AKAP13: variants seen among roughly 807,000 people sequenced by gnomAD.
AKAP13 encodes the protein A-kinase anchor protein 13.
Under a neutral mutation model 264.5 loss-of-function variants are expected in AKAP13, and 80 were observed. That is an observed-to-expected ratio of 0.30 (90% confidence interval 0.25 to 0.36). The LOEUF is 0.36. Ranked by LOEUF, AKAP13 falls within the 10% of genes least tolerant of loss-of-function variation. AKAP13 has a pLI of 1.00. For missense variants in AKAP13, 3,712 were observed against 3,435.2 expected, an observed-to-expected ratio of 1.08 and a Z score of -2.01; for synonymous variants, 1,380 against 1,250.2, an observed-to-expected ratio of 1.10 and a Z score of -2.19.
At chr15:85,740,483 A>G (rs2088871191) in intron 34 of AKAP13, 3 of 554,708 alleles carry the variant, frequency 5.4e-6, no homozygotes, top group South Asian at 2.5e-5. Context: ...TGCCGTAGGC[A>G]TGGCTTGATA....
chr15:85,700,741 C>A (rs2085864039), intron 17 of AKAP13, among the ~76,000 whole-genome samples: 1 of 152,144 alleles, frequency 6.6e-6, no homozygotes, highest in Non-Finnish European at 1.5e-5. Flanking sequence ...CTTTAGCTAT[C>A]AGCCTACCTA....
chr15:85,413,373 T>G (rs2072076873), intron 1 of AKAP13, among the ~76,000 whole-genome samples: 1 of 152,234 alleles, frequency 6.6e-6, no homozygotes, highest in Non-Finnish European at 1.5e-5. Context: ...GAGAGATTTT[T>G]CAGGATGGCT....
At chr15:85,704,780 T>C (rs1223191593) in intron 17 of AKAP13, among the ~76,000 whole-genome samples, 4 of 152,216 alleles carry the variant, frequency 2.6e-5, no homozygotes, top group Non-Finnish European at 5.9e-5. Flanking sequence ...AGCTTAAAAA[T>C]GTATTAGATT....
At position 85,579,613 on chromosome 15, in the gene AKAP13, A is replaced by G. The variant is rs1477814044; in HGVS notation, c.1545A>G (p.Thr515=). 1.9e-6 allele frequency: 3 copies of G among 1,614,148 alleles called. No homozygotes were observed. The highest frequency in any genetic ancestry group is 2.7e-5 in the African/African-American group (2 of 74,958). ...KERFENSNIG[T]AGASDVHVTS... is the part of the protein sequence containing the mutation. ...GATTTGAGAACTCTAATATTGGCAC[A>G]GCTGGAGCCTCTGACGTGCACGTCA... The change falls in exon 7 of 37, where the codon ACA becomes ACG. Residue 515 remains threonine (T), a synonymous_variant. Coordinates refer to ENST00000394518, the MANE Select transcript of AKAP13 (RefSeq NM_007200.5).
At chr15:85,431,632 T>G (rs547313120) in intron 1 of AKAP13, among the ~76,000 whole-genome samples, 2 of 152,322 alleles carry the variant, frequency 1.3e-5, no homozygotes, top group African/African-American at 4.8e-5. Flanking sequence ...TGCCCCTTAG[T>G]GTTTAGCTGA....
chr15:85,596,512 A>C (rs570301397), intron 8 of AKAP13, among the ~76,000 whole-genome samples: 24 of 151,998 alleles, frequency 1.6e-4, no homozygotes, highest in South Asian at 6.2e-4. Flanking sequence ...GAGCCTGGGG[A>C]GGTGGAGGCT....
At chr15:85,742,220 TCA>T (rs560511287) in intron 35 of AKAP13, among the ~76,000 whole-genome samples, 28 of 152,326 alleles carry the variant, frequency 1.8e-4, no homozygotes, top group African/African-American at 6.3e-4. Context: ...TAGAGGAGTC[TCA>T]GTGTGTCTGA....
intron 1 of AKAP13, among the ~76,000 whole-genome samples, chr15:85,438,065 A>G (rs1198664189): frequency 6.9e-6 from 1 of 145,258 alleles, no homozygotes; most frequent in Non-Finnish European, 1.5e-5. Context: ...TATCTAGAAA[A>G]CCCCATTGTC....
At chr15:85,500,072 CT>C (rs1419419348) in intron 2 of AKAP13, among the ~76,000 whole-genome samples, 1 of 152,112 alleles carries the variant, frequency 6.6e-6, no homozygotes, top group Non-Finnish European at 1.5e-5. Context: ...TGAGAGTTTT[CT>C]TTTTGGTTAG....
At chr15:85,467,620 CT>C (rs2074794869) in intron 1 of AKAP13, among the ~76,000 whole-genome samples, 1 of 152,142 alleles carries the variant, frequency 6.6e-6, no homozygotes, top group South Asian at 2.1e-4. Flanking sequence ...TGGCCACTCC[CT>C]TGTGTCTTCC....
At position 85,481,708 on chromosome 15, in the gene AKAP13, A is replaced by G. The variant is rs184755142; in HGVS notation, c.-11-4002A>G. On this transcript the variant is annotated intron_variant, in intron 1 of 36. Coordinates refer to ENST00000394518, the MANE Select transcript of AKAP13 (RefSeq NM_007200.5). ...GAACATACTTAAAACCACATCATTT[A>G]AGACTTTGAATTTTGACATTTCCTC... Among the ~76,000 whole-genome samples the G allele has an allele frequency of 1.7e-4, 26 of 152,332 alleles. 1 individual carries two copies. In the East Asian group the frequency reaches 4.8e-3, roughly 28 times the overall value.
rs542100814 is a variant in AKAP13, at chr15:85,643,963, G to A, written c.4238-1855G>A. On this transcript the variant is annotated intron_variant, in intron 9 of 36. Transcript: ENST00000394518. ...GGCACATAGCGACAGGACTGTCCCCGTTTTGGATGCCCGTGTACTATTTAC... is the reference window on the plus strand; with the variant it reads ...GGCACATAGCGACAGGACTGTCCCCATTTTGGATGCCCGTGTACTATTTAC... Among the ~76,000 whole-genome samples, 3 of 152,280 alleles carry A rather than the reference G, an allele frequency of 2.0e-5. No homozygotes were observed. In the East Asian group the frequency reaches 5.8e-4, roughly 29 times the overall value.
intron 14 of AKAP13, among the ~76,000 whole-genome samples, chr15:85,675,864 T>C (rs900895508): frequency 5.3e-5 from 8 of 152,192 alleles, no homozygotes; most frequent in African/African-American, 1.9e-4. Flanking sequence ...TTAGAACACT[T>C]CAGGCTGACC....
intron 8 of AKAP13, among the ~76,000 whole-genome samples, chr15:85,608,266 T>C (rs1016024710): frequency 2.0e-5 from 3 of 152,218 alleles, no homozygotes; most frequent in African/African-American, 7.2e-5. Context: ...TGGCCAGGAG[T>C]ATTCTTCTAA....
At chr15:85,393,555 G>A (rs1242682295) in intron 1 of AKAP13, among the ~76,000 whole-genome samples, 1 of 152,148 alleles carries the variant, frequency 6.6e-6, no homozygotes, top group African/African-American at 2.4e-5. Flanking sequence ...TCTATAAGGT[G>A]TTTTTGAAAA....
chr15:85,628,903 A>G (rs1324811688), intron 8 of AKAP13, among the ~76,000 whole-genome samples: 1 of 152,220 alleles, frequency 6.6e-6, no homozygotes, highest in African/African-American at 2.4e-5. Context: ...CAAATATAAG[A>G]ATAAGAAGAG....
rs772823353 is a variant in AKAP13, at chr15:85,723,095, C to A, written c.6520C>A (p.Leu2174Ile). Residue 2174 changes from leucine to isoleucine, a missense_variant, in exon 26 of 37, where the codon CTA (leucine) becomes ATA (isoleucine). By Grantham distance (5) the Leu-to-Ile change is conservative. Around this residue, in one of 3 missense-constraint regions of AKAP13, gnomAD observed 342 missense variants for 484.3 expected, o/e 0.71. Coordinates refer to ENST00000394518, the MANE Select transcript of AKAP13 (RefSeq NM_007200.5). ...TKDNEVEQED[L>I]AQSLSLVKDV... ...AGACAATGAAGTGGAGCAGGAAGAT[C>A]TAGCACAGTCCTTGAGCCTGGTGAA... 2.5e-6 allele frequency: 4 copies of A among 1,613,934 alleles called. No homozygotes were observed. Among genetic ancestry groups the A allele is most frequent in the Non-Finnish European group, 3.4e-6 (4 of 1,179,964 alleles).
chr15:85,675,954 C>T (rs1032440444), intron 14 of AKAP13, among the ~76,000 whole-genome samples: 4 of 152,050 alleles, frequency 2.6e-5, no homozygotes, highest in African/African-American at 7.2e-5. Flanking sequence ...CTCCATCGCC[C>T]GGGCTGGAAT....
intron 3 of AKAP13, 117 bp from the exon 4 acceptor site, chr15:85,533,467 G>A (rs2077303206): frequency 1.1e-6 from 1 of 922,502 alleles, no homozygotes; most frequent in African/African-American, 1.7e-5. Context: ...GAAGGAGGGG[G>A]TGTTTTTTAG....
Sources: gnomAD v4.1 joint callset for allele counts (sites outside exome capture counted in the v4.1 genomes callset) on GRCh38, gnomAD v4.1.1 for gene constraint, gnomAD v4.1.1 regional missense constraint, MANE v1.5 for transcripts, NCBI Gene and HGNC (gene_info 2026-07-23, HGNC 2026-07-21) for gene names.